MED23: variants seen among roughly 807,000 people sequenced by gnomAD.
MED23 encodes the protein mediator complex subunit 23.
In MED23, 105 loss-of-function variants were observed where a neutral mutation model predicts 163.9. The observed-to-expected ratio is 0.64, with a 90% CI of 0.55 to 0.75. MED23 has a LOEUF of 0.75. Among genes scored for constraint, MED23 ranks in the 30% least tolerant of loss-of-function variants. The pLI is 0.00. For synonymous variants in MED23, 561 were observed against 565.6 expected, an observed-to-expected ratio of 0.99 and a Z score of 0.12; for missense variants, 1,054 against 1,649.0, an observed-to-expected ratio of 0.64 and a Z score of 6.25.
intron 4 of MED23, among the ~76,000 whole-genome samples, chr6:131,624,067 C>T (rs1405241502): frequency 2.0e-5 from 3 of 152,134 alleles, no homozygotes; most frequent in South Asian, 2.1e-4. Context: ...CTAAAGCTTT[C>T]GGTTAGATGT....
chr6:131,615,503 C>CAAAAAAAAAAAAAAAAAAAAAAAAAAAAA lies in MED23; in HGVS notation c.876+375_876+403dup, dbSNP rs917020235. Among the ~76,000 whole-genome samples the CAAAAAAAAAAAAAAAAAAAAAAAAAAAAA allele has an allele frequency of 4.9e-4, 7 of 14,164 alleles. 1 individual carries two copies. The highest frequency in any genetic ancestry group is 1.2e-3 in the African/African-American group (4 of 3,310). The allele number at this position is 14,164 out of a possible 152,430, so 9.3% of individuals were successfully genotyped here. ...CCACCAAAAACAAGCAAACACACAC[C>CAAAAAAAAAAAAAAAAAAAAAAAAAAAAA]AAAAAAAAAAAAAAAAAAAAAAAAA... On this transcript the variant is annotated intron_variant, in intron 10 of 28. Coordinates refer to ENST00000368068, the MANE Select transcript of MED23 (RefSeq NM_004830.4).
chr6:131,616,587 G>A (rs1319673885), intron 9 of MED23, among the ~76,000 whole-genome samples: 1 of 152,222 alleles, frequency 6.6e-6, no homozygotes, highest in Admixed American at 6.5e-5. Flanking sequence ...GGGAGGCCAA[G>A]ATGGGAAGAT....
Position 131,601,762 on chromosome 6 carries a change from T to C in MED23, c.2095+456A>G, listed in dbSNP as rs191217372. 2.3e-3 allele frequency among the ~76,000 whole-genome samples: 352 copies of C among 152,288 alleles called. 10 individuals carry two copies. Among genetic ancestry groups the C allele is most frequent in the Admixed American group, 0.022 (334 of 15,280 alleles). Reference sequence around the variant, plus strand: ...AATGGCACCTCTTCTCACTAAAGTTTTGCTTTAGAAAATATACTTTTTTTA... The same window carrying C: ...AATGGCACCTCTTCTCACTAAAGTTCTGCTTTAGAAAATATACTTTTTTTA... On this transcript the variant is annotated intron_variant, in intron 17 of 28. Coordinates refer to ENST00000368068, the MANE Select transcript of MED23 (RefSeq NM_004830.4).
chr6:131,618,476 A>G lies in MED23; in HGVS notation c.711T>C (p.Ile237=), dbSNP rs770323567. 1 of 1,613,952 alleles carries G rather than the reference A, an allele frequency of 6.2e-7. No individual in the cohort carries two copies. Among genetic ancestry groups the G allele is most frequent in the African/African-American group, 1.3e-5 (1 of 74,938 alleles). ...LLPVVNNSGA[I]CNSWKLDPAT... ...CAGGATCCAGTTTCCATGAATTACA[A>G]ATGGCACCCGAATTATTTACAACTG... The change falls in exon 9 of 29, where the codon ATT becomes ATC. Residue 237 remains isoleucine, a synonymous_variant. Transcript: ENST00000368068.
downstream of MED23, chr6:131,583,454 A>T: frequency 3.7e-6 from 6 of 1,614,100 alleles, no homozygotes; most frequent in Non-Finnish European, 5.1e-6. Flanking sequence ...TGACATACAG[A>T]GAAGGTCTCT....
intron 27 of MED23, among the ~76,000 whole-genome samples, chr6:131,590,009 T>C (rs993288966): frequency 8.5e-5 from 13 of 152,210 alleles, no homozygotes; most frequent in African/African-American, 3.1e-4. Context: ...GACATTTTGT[T>C]AGAAGTGACT....
chr6:131,578,177 G>A (rs1397285273), intron 30 of MED23, among the ~76,000 whole-genome samples: 4 of 125,516 alleles, frequency 3.2e-5, no homozygotes, highest in African/African-American at 6.2e-5. Context: ...ATTACACTTC[G>A]TAAATCTTTA....
chr6:131,577,672 T>G (rs571359935), intron 30 of MED23, among the ~76,000 whole-genome samples: 16 of 151,224 alleles, frequency 1.1e-4, no homozygotes, highest in Non-Finnish European at 1.9e-4. Context: ...GAAGCCAAGG[T>G]GGGTGGACTG....
chr6:131,627,956 C>T (rs1398218787), intron 1 of MED23, 55 bp downstream of exon 1: 4 of 1,611,836 alleles, frequency 2.5e-6, no homozygotes, highest in Non-Finnish European at 2.5e-6. Context: ...GTCGGCTGCC[C>T]CCGCGTCTCC....
At chr6:131,596,794 AT>A (rs1775081002) in intron 20 of MED23, 106 bp from the exon 21 acceptor site, 2 of 1,096,896 alleles carry the variant, frequency 1.8e-6, no homozygotes, top group Admixed American at 4.0e-5. Flanking sequence ...CACTATTATA[AT>A]TTCCTTAGAC....
At chr6:131,611,689 CAG>C (rs1776286022) in intron 10 of MED23, among the ~76,000 whole-genome samples, 1 of 152,034 alleles carries the variant, frequency 6.6e-6, no homozygotes, top group Non-Finnish European at 1.5e-5. Flanking sequence ...TCAAAGTATA[CAG>C]AGTCAGAAAA....
In MED23 at chr6:131,618,486, G is replaced by A. The variant is rs759066563; in HGVS notation, c.701C>T (p.Ser234Leu). The A allele has an allele frequency of 3.7e-6, 6 of 1,613,948 alleles. No homozygotes were observed. The highest frequency in any genetic ancestry group is 1.1e-5 in the South Asian group (1 of 91,068). The change falls in exon 9 of 29, where the codon TCG (serine) becomes TTG (leucine). Residue 234 changes from serine (S) to leucine (L), a missense_variant. Physicochemically the swap from Ser to Leu is moderately radical, Grantham distance 145. Transcript: ENST00000368068. ...RCSLLPVVNNSGAICNSWKLD... is the reference protein window; with the variant it reads ...RCSLLPVVNNLGAICNSWKLD... ...TTTCCATGAATTACAAATGGCACCC[G>A]AATTATTTACAACTGGCAGAAGACT...
At chr6:131,609,995 A>G (rs746282151) in intron 11 of MED23, 51 bp downstream of exon 11, 4 of 1,548,030 alleles carry the variant, frequency 2.6e-6, no homozygotes. Context: ...GCAGTCTAAA[A>G]TACAGTAATC....
At position 131,598,068 on chromosome 6, in the gene MED23, C is replaced by T. The variant is rs777068913; in HGVS notation, c.2607+219G>A. The stretch of plus-strand genomic sequence containing the variant: ...GCCATGATCACGCCACTGCACTGGG[C>T]GACAGAGCGAGACCCTGTCTCAAAA... On this transcript the variant is annotated intron_variant, in intron 20 of 28. Coordinates refer to ENST00000368068, the MANE Select transcript of MED23 (RefSeq NM_004830.4). This position sits in a 1 kb window ranked among gnomAD's most constrained non-coding sequence, Gnocchi z 4.7. Among the ~76,000 whole-genome samples the T allele has an allele frequency of 2.6e-5, 4 of 151,190 alleles. No individual in the cohort carries two copies. Among genetic ancestry groups the T allele is most frequent in the Admixed American group, 6.6e-5 (1 of 15,214 alleles).
chr6:131,609,984 A>G, intron 11 of MED23, 62 bp downstream of exon 11: 1 of 1,470,548 alleles, frequency 6.8e-7, no homozygotes, highest in Non-Finnish European at 9.5e-7. Context: ...GAATGCCCAC[A>G]GCAGTCTAAA....
At chr6:131,601,190 T>C (rs1292057355) in intron 17 of MED23, among the ~76,000 whole-genome samples, 3 of 152,208 alleles carry the variant, frequency 2.0e-5, no homozygotes, top group African/African-American at 7.2e-5. Context: ...CTTTTTCCAA[T>C]GATAAAATTT....
intron 6 of MED23, among the ~76,000 whole-genome samples, chr6:131,621,158 T>TAGAGATGTTACTTTCTGG (rs1777070810): frequency 6.6e-6 from 1 of 152,164 alleles, no homozygotes; most frequent in African/African-American, 2.4e-5. Flanking sequence ...CATTAAAAAG[T>TAGAGATGTTACTTTCTGG]AGAGATGTTA....
chr6:131,583,091 T>A, downstream of MED23: 1 of 1,613,888 alleles, frequency 6.2e-7, no homozygotes, highest in Admixed American at 1.7e-5. Context: ...CATTAAATAC[T>A]TTTCAATGAC....
chr6:131,582,583 G>T (rs940552121), downstream of MED23: 1 of 1,508,550 alleles, frequency 6.6e-7, no homozygotes, highest in African/African-American at 1.4e-5. Context: ...TTGTTCAAGA[G>T]AATCATACAT....
Sources: allele counts gnomAD v4.1 joint callset (sites outside exome capture counted in the v4.1 genomes callset), GRCh38; gene constraint gnomAD v4.1.1; non-coding constraint Gnocchi (gnomAD v3.1); transcripts MANE v1.5; gene names NCBI Gene and HGNC (gene_info 2026-07-23, HGNC 2026-07-21).